DZIP1: variants seen among roughly 807,000 people sequenced by gnomAD.
DZIP1 encodes the protein cilium assembly protein DZIP1.
DZIP1 carries 97 observed loss-of-function variants against 107.6 expected under a neutral mutation model. That is an observed-to-expected ratio of 0.90 (90% CI 0.77 to 1.07). The LOEUF (loss-of-function observed/expected upper bound fraction) is 1.07, where lower values mean the gene tolerates loss of function less well. Ranked by LOEUF, DZIP1 falls within the 50% of genes least tolerant of loss-of-function variation. DZIP1 has a pLI of 0.00. For missense variants in DZIP1, 1,035 were observed against 1,063.6 expected (o/e 0.97, Z 0.37); for synonymous variants, 390 against 386.4 (o/e 1.01, Z -0.11).
At position 95,641,802 on chromosome 13, in the gene DZIP1, G is replaced by GT; in HGVS notation, c.89dup (p.Asp30GlufsTer175). ...CCGCGGCGGCGGCGGCCACAGCGAC[G>GT]TCGGGCCCCTCTGGGCCGCTGGCGA... On this transcript the variant is annotated frameshift_variant, in exon 5 of 23. Coordinates refer to ENST00000376829, the MANE Select transcript of DZIP1 (RefSeq NM_198968.4). LOFTEE classifies it high-confidence loss of function. This position sits in a 1 kb window ranked among gnomAD's most constrained non-coding sequence, Gnocchi z 4.3. The GT allele has an allele frequency of 1.3e-6, 2 of 1,497,416 alleles. No homozygotes were observed. Among genetic ancestry groups the GT allele is most frequent in the Non-Finnish European group, 1.8e-6 (2 of 1,132,276 alleles). 92.8% of individuals were successfully genotyped at this position (1,497,416 alleles called of 1,614,324 possible). A position where few individuals can be genotyped will look rare whatever the true frequency, so the allele number is the denominator to read the frequency against.
intron 20 of DZIP1, among the ~76,000 whole-genome samples, chr13:95,587,099 A>T (rs2044179352): frequency 6.6e-6 from 1 of 152,232 alleles, no homozygotes; most frequent in Admixed American, 6.5e-5. Flanking sequence ...CAATGTCCTT[A>T]TACAAACGAG....
chr13:95,583,170 T>G (rs576875100), intron 22 of DZIP1, among the ~76,000 whole-genome samples: 1 of 151,748 alleles, frequency 6.6e-6, no homozygotes, highest in Non-Finnish European at 1.5e-5. Context: ...CTGACACCTG[T>G]AATCCCAACA....
chr13:95,589,682 C>A, intron 18 of DZIP1, 121 bp downstream of exon 18: 1 of 1,341,136 alleles, frequency 7.5e-7, no homozygotes, highest in Non-Finnish European at 1.0e-6. Context: ...CTTGGACTTT[C>A]AGCCTCCAAA....
intron 20 of DZIP1, 62 bp from the exon 21 acceptor site, chr13:95,586,198 C>A: frequency 7.2e-7 from 1 of 1,385,112 alleles, no homozygotes; most frequent in Non-Finnish European, 9.7e-7. Context: ...TCTTTAGTTC[C>A]AAAATAACCT....
chr13:95,586,065 C>CAAAA lies in DZIP1; in HGVS notation c.2289_2290insTTTT (p.Val764PhefsTer6), dbSNP rs2044151470. ...ATCTCAGGGACATTAGTTCCACCGACTGGTTTGTTCACATTTTTGCGATGT... is the reference window on the plus strand; with the variant it reads ...ATCTCAGGGACATTAGTTCCACCGACAAAATGGTTTGTTCACATTTTTGCGATGT... On this transcript the variant is annotated frameshift_variant, in exon 21 of 23. Coordinates refer to ENST00000376829, the MANE Select transcript of DZIP1 (RefSeq NM_198968.4). LOFTEE classifies it high-confidence loss of function. 6.2e-7 allele frequency: 1 copy of CAAAA among 1,610,732 alleles called. No individual in the cohort carries two copies. Among genetic ancestry groups the CAAAA allele is most frequent in the Admixed American group, 1.7e-5 (1 of 59,354 alleles).
At chr13:95,626,730 G>A (rs752417593) in intron 7 of DZIP1, among the ~76,000 whole-genome samples, 2 of 152,102 alleles carry the variant, frequency 1.3e-5, no homozygotes, top group Admixed American at 6.6e-5. Flanking sequence ...TACCAGCAAT[G>A]AACAATCCAA....
At position 95,614,564 on chromosome 13, in the gene DZIP1, A is replaced by C. The variant is rs940093423; in HGVS notation, c.1174-2387T>G. On this transcript the variant is annotated intron_variant, in intron 10 of 22. Transcript: ENST00000376829. Reference sequence around the variant, plus strand: ...AGAGTTAAGAATGAATCAGAAAGGCACGGAAAAGAGTACATGGAGAAAGGA... The same window carrying C: ...AGAGTTAAGAATGAATCAGAAAGGCCCGGAAAAGAGTACATGGAGAAAGGA... 2.6e-5 allele frequency among the ~76,000 whole-genome samples: 4 copies of C among 152,214 alleles called. No homozygotes were observed. In the East Asian group the frequency reaches 7.7e-4, roughly 29 times the overall value.
intron 20 of DZIP1, among the ~76,000 whole-genome samples, chr13:95,587,330 A>T (rs1012831182): frequency 1.3e-5 from 2 of 152,134 alleles, no homozygotes; most frequent in East Asian, 3.9e-4. Flanking sequence ...GCCCTAGCAA[A>T]CTAATACACC....
chr13:95,607,577 A>G (rs945550588), intron 13 of DZIP1, among the ~76,000 whole-genome samples: 2 of 152,186 alleles, frequency 1.3e-5, no homozygotes, highest in African/African-American at 4.8e-5. Context: ...CGTGTTGTCT[A>G]TGGCTGATTT....
chr13:95,616,577 A>G (rs1340388943), intron 10 of DZIP1, among the ~76,000 whole-genome samples: 1 of 152,234 alleles, frequency 6.6e-6, no homozygotes. Flanking sequence ...TATTTAAAAT[A>G]GTGCTCAGAA....
At chr13:95,610,997 G>C (rs1444754792) in intron 12 of DZIP1, among the ~76,000 whole-genome samples, 1 of 152,178 alleles carries the variant, frequency 6.6e-6, no homozygotes, top group Non-Finnish European at 1.5e-5. Flanking sequence ...TGCTATTATA[G>C]CAGAGAAAAT....
intron 5 of DZIP1, among the ~76,000 whole-genome samples, chr13:95,639,429 A>G (rs1878213773): frequency 6.6e-6 from 1 of 152,072 alleles, no homozygotes; most frequent in Admixed American, 6.6e-5. Context: ...CGTCTCTACT[A>G]AAAATACAAA....
chr13:95,608,004 T>C (rs2044836467), intron 13 of DZIP1, among the ~76,000 whole-genome samples: 1 of 152,236 alleles, frequency 6.6e-6, no homozygotes, highest in South Asian at 2.1e-4. Flanking sequence ...CTTTCTGATC[T>C]TAAACTTTAG....
chr13:95,619,831 C>A, intron 10 of DZIP1, 54 bp downstream of exon 10: 2 of 1,545,866 alleles, frequency 1.3e-6, no homozygotes, highest in Non-Finnish European at 1.8e-6. Context: ...AAAAGGAAAG[C>A]AAATATTTCT....
intron 10 of DZIP1, chr13:95,617,825 T>C (rs1875319453): frequency 2.0e-6 from 1 of 492,944 alleles, no homozygotes; most frequent in South Asian, 1.5e-5. Flanking sequence ...CATTCAGAAA[T>C]GGAGGCTTAG....
intron 20 of DZIP1, among the ~76,000 whole-genome samples, chr13:95,586,670 T>C (rs2044168196): frequency 6.6e-6 from 1 of 151,304 alleles, no homozygotes; most frequent in Non-Finnish European, 1.5e-5. Flanking sequence ...ACATAGTATA[T>C]ACCCATTATA....
At chr13:95,642,823 C>T (rs914176638) in intron 3 of DZIP1, among the ~76,000 whole-genome samples, 17 of 150,140 alleles carry the variant, frequency 1.1e-4, no homozygotes, top group African/African-American at 3.9e-4. Flanking sequence ...ATTTCTGACA[C>T]CCAAGTTGCT....
At chr13:95,614,125 C>CAAAAA (rs11327779) in intron 10 of DZIP1, among the ~76,000 whole-genome samples, 2 of 73,432 alleles carry the variant, frequency 2.7e-5, no homozygotes, top group Non-Finnish European at 2.8e-5. Context: ...GACCCTGTCT[C>CAAAAA]AAAAAAAAAA....
At chr13:95,637,919 T>A (rs893269778) in intron 5 of DZIP1, among the ~76,000 whole-genome samples, 1 of 152,140 alleles carries the variant, frequency 6.6e-6, no homozygotes, top group Non-Finnish European at 1.5e-5. Flanking sequence ...ATACATATGT[T>A]CATAAAAATA....
Sources: gnomAD v4.1 joint callset for allele counts (sites outside exome capture counted in the v4.1 genomes callset) on GRCh38, gnomAD v4.1.1 for gene constraint, Gnocchi (gnomAD v3.1) non-coding constraint, MANE v1.5 for transcripts, NCBI Gene and HGNC (gene_info 2026-07-23, HGNC 2026-07-21) for gene names.